The following NUDT1 variants were observed in gnomAD, a reference collection of about 807,000 sequenced individuals.
NUDT1 encodes nudix hydrolase 1, also known as oxidized purine nucleoside triphosphate hydrolase.
In NUDT1, 16 loss-of-function variants were observed where a neutral mutation model predicts 11.3. The ratio of observed to expected loss-of-function variants is 1.41; its 90% CI spans 0.96 to 2.15. The LOEUF is 2.15. NUDT1 is among the 30% of genes most tolerant of loss of function. The probability of loss-of-function intolerance (pLI) is 0.00; values close to 1 mark genes in which losing one functional copy is unlikely to be tolerated. For missense variants in NUDT1, 234 were observed against 208.4 expected (o/e 1.12, Z -0.76); for synonymous variants, 101 against 84.4 (o/e 1.20, Z -1.08).
chr7:2,250,543 C>T (rs1391303650), intron 3 of NUDT1, among the ~76,000 whole-genome samples: 6 of 152,344 alleles, frequency 3.9e-5, no homozygotes, highest in South Asian at 2.1e-4. Context: ...CTGCAAGCTC[C>T]ACCTCCCAGG....
At position 2,251,133 on chromosome 7, in the gene NUDT1, C is replaced by A; in HGVS notation, c.*132C>A. On this transcript the variant is annotated 3_prime_UTR_variant, in exon 4 of 4. Coordinates refer to ENST00000356714, the MANE Select transcript of NUDT1 (RefSeq NM_002452.4). Reference sequence around the variant, plus strand: ...TAACTGGATGGAAGGGAAAATAAAGCTATCTAGCGGTGGTTTTTTTTTTTT... The same window carrying A: ...TAACTGGATGGAAGGGAAAATAAAGATATCTAGCGGTGGTTTTTTTTTTTT... 3 of 869,900 alleles carry A rather than the reference C, an allele frequency of 3.4e-6. No individual in the cohort carries two copies. Among genetic ancestry groups the A allele is most frequent in the Non-Finnish European group, 5.5e-6 (3 of 548,926 alleles). 53.9% of individuals were successfully genotyped at this position (869,900 alleles called of 1,614,324 possible).
intron 3 of NUDT1, among the ~76,000 whole-genome samples, 161 bp from the exon 4 acceptor site, chr7:2,250,668 C>T (rs1794972846): frequency 9.2e-6 from 1 of 108,268 alleles, no homozygotes; most frequent in South Asian, 2.8e-4. Flanking sequence ...CCGTGTTAGC[C>T]AGGATGGTCT....
At chr7:2,250,557 A>C (rs1166532524) in intron 3 of NUDT1, among the ~76,000 whole-genome samples, 1 of 152,216 alleles carries the variant, frequency 6.6e-6, no homozygotes, top group East Asian at 1.9e-4. Context: ...TCCCAGGTTC[A>C]CACCATTCTC....
At chr7:2,246,729 A>G (rs1324761716) in intron 2 of NUDT1, among the ~76,000 whole-genome samples, 1 of 152,160 alleles carries the variant, frequency 6.6e-6, no homozygotes, top group African/African-American at 2.4e-5. Flanking sequence ...TTGCTGTCAG[A>G]CCAGGGTTTG....
At chr7:2,249,517 G>A (rs1485611294) in intron 2 of NUDT1, 13 of 389,752 alleles carry the variant, frequency 3.3e-5, no homozygotes, top group Admixed American at 1.9e-4. Flanking sequence ...GTCTCGAGAC[G>A]GTGGACAAGT....
At chr7:2,242,652 G>A (rs751074891) in intron 1 of NUDT1, 3 of 358,522 alleles carry the variant, frequency 8.4e-6, no homozygotes, top group East Asian at 5.2e-5. Context: ...AATGGGAAAG[G>A]TTCCCTTGTC....
intron 2 of NUDT1, among the ~76,000 whole-genome samples, chr7:2,249,086 C>G (rs1794878454): frequency 1.3e-5 from 2 of 152,356 alleles, no homozygotes; most frequent in South Asian, 4.1e-4. Context: ...TGCCACGAAG[C>G]AGGGAAGGGC....
At position 2,251,091 on chromosome 7, in the gene NUDT1, C is replaced by T. The variant is rs923904759; in HGVS notation, c.*90C>T. On this transcript the variant is annotated 3_prime_UTR_variant, in exon 4 of 4. Coordinates refer to ENST00000356714, the MANE Select transcript of NUDT1 (RefSeq NM_002452.4). ...CTGGGGGCATTGAGTGGCGCAGAGCCGGGTTTCATCTGGAATTAACTGGAT... is the reference window on the plus strand; with the variant it reads ...CTGGGGGCATTGAGTGGCGCAGAGCTGGGTTTCATCTGGAATTAACTGGAT... 1.2e-5 allele frequency: 16 copies of T among 1,313,618 alleles called. No individual in the cohort carries two copies. Among genetic ancestry groups the T allele is most frequent in the African/African-American group, 2.9e-5 (2 of 68,608 alleles). The allele number at this position is 1,313,618 out of a possible 1,614,324, so 81.4% of individuals were successfully genotyped here.
At position 2,251,031 on chromosome 7, in the gene NUDT1, G is replaced by C. The variant is rs763653029; in HGVS notation, c.*30G>C. The C allele has an allele frequency of 6.2e-7, 1 of 1,612,218 alleles. No homozygotes were observed. Among genetic ancestry groups the C allele is most frequent in the African/African-American group, 1.3e-5 (1 of 74,992 alleles). On this transcript the variant is annotated 3_prime_UTR_variant, in exon 4 of 4. Transcript: ENST00000356714. The stretch of plus-strand genomic sequence containing the variant: ...AGCCCAGGGCAGCCCCTGGGCAGGA[G>C]ACGTGGCTGCTGAACAGCCGCAAAC...
intron 1 of NUDT1, 96 bp from the exon 2 acceptor site, chr7:2,244,467 A>AGC: frequency 4.8e-6 from 2 of 419,782 alleles, no homozygotes; most frequent in Non-Finnish European, 8.3e-6. Context: ...CCCGCCCCCC[A>AGC]CTGCCTCCCA....
chr7:2,247,704 C>CGCCTGCCTGGCGCT (rs1794825861), intron 2 of NUDT1, among the ~76,000 whole-genome samples: 1 of 152,250 alleles, frequency 6.6e-6, no homozygotes, highest in Non-Finnish European at 1.5e-5. Context: ...GCGTCATCTT[C>CGCCTGCCTGGCGCT]GCCTGCCTGG....
chr7:2,243,670 T>C (rs1433923325), intron 1 of NUDT1, among the ~76,000 whole-genome samples: 3 of 152,306 alleles, frequency 2.0e-5, no homozygotes, highest in African/African-American at 4.8e-5. Flanking sequence ...CTATGTGGGA[T>C]GCTGAGGCAG....
intron 2 of NUDT1, among the ~76,000 whole-genome samples, chr7:2,245,355 C>A (rs1049143432): frequency 6.6e-6 from 1 of 152,132 alleles, no homozygotes; most frequent in Non-Finnish European, 1.5e-5. Flanking sequence ...GAAAGGTAGG[C>A]CAGCTTGCCT....
intron 2 of NUDT1, chr7:2,248,222 G>A (rs1794844169): frequency 6.6e-6 from 1 of 152,276 alleles, no homozygotes. Context: ...AATTAGCCGG[G>A]CATGGTAAGA....
intron 2 of NUDT1, among the ~76,000 whole-genome samples, 161 bp downstream of exon 2, chr7:2,244,887 C>T (rs1794711595): frequency 6.6e-6 from 1 of 152,166 alleles, no homozygotes; most frequent in African/African-American, 2.4e-5. Flanking sequence ...AAGAACAGTC[C>T]GCAGCCCTTC....
intron 2 of NUDT1, among the ~76,000 whole-genome samples, chr7:2,245,870 G>T (rs1015048688): frequency 6.6e-6 from 1 of 150,584 alleles, no homozygotes; most frequent in Non-Finnish European, 1.5e-5. Context: ...CCACTAAGCC[G>T]ATTTCCCGGG....
intron 2 of NUDT1, among the ~76,000 whole-genome samples, chr7:2,248,697 G>A (rs1486465108): frequency 1.3e-5 from 2 of 151,934 alleles, no homozygotes; most frequent in Non-Finnish European, 2.9e-5. Context: ...GACTACAGGC[G>A]AGTGCCACCA....
At chr7:2,247,099 C>T (rs1408943509) in intron 2 of NUDT1, among the ~76,000 whole-genome samples, 3 of 152,324 alleles carry the variant, frequency 2.0e-5, no homozygotes, top group East Asian at 1.9e-4. Context: ...GCCACCAGCA[C>T]GGCCCTGGGC....
rs547062076 is a variant in NUDT1 at position 2,242,249 on chromosome 7, C to T, written c.-20C>T. 3,497 of 1,427,186 alleles carry T rather than the reference C, an allele frequency of 2.5e-3. 8 individuals carry two copies. The highest frequency in any genetic ancestry group is 2.9e-3 in the Non-Finnish European group (3,141 of 1,073,148). 88.4% of individuals were successfully genotyped at this position (1,427,186 alleles called of 1,614,324 possible). On this transcript the variant is annotated 5_prime_UTR_variant, in exon 1 of 4. Coordinates refer to ENST00000356714, the MANE Select transcript of NUDT1 (RefSeq NM_002452.4). The stretch of plus-strand genomic sequence containing the variant: ...TCAGAGGCCACGCCCCCGGAAGCGG[C>T]GGTGCAGGTACGAAAAGCGCGCGCG...
Sources: gnomAD v4.1 joint callset for allele counts (sites outside exome capture counted in the v4.1 genomes callset) on GRCh38, gnomAD v4.1.1 for gene constraint, MANE v1.5 for transcripts, NCBI Gene and HGNC (gene_info 2026-07-23, HGNC 2026-07-21) for gene names.